TVP23C: variants seen among roughly 807,000 people sequenced by gnomAD.
TVP23C encodes the protein trans-golgi network vesicle protein 23 homolog C.
TVP23C carries 19 observed loss-of-function variants against 28.7 expected under a neutral mutation model. The ratio of observed to expected loss-of-function variants is 0.66; its 90% CI spans 0.46 to 0.97. The LOEUF (loss-of-function observed/expected upper bound fraction) is 0.97, where lower values mean the gene tolerates loss of function less well. TVP23C is among the 50% of genes least tolerant of loss of function. TVP23C has a pLI of 0.00. For synonymous variants in TVP23C, 68 were observed against 81.7 expected (o/e 0.83, Z 0.90); for missense variants, 186 against 241.3 (o/e 0.77, Z 1.52).
intron 5 of TVP23C, chr17:15,503,316 G>T: frequency 7.0e-7 from 1 of 1,421,814 alleles, no homozygotes; most frequent in Non-Finnish European, 9.2e-7. Context: ...GAGATGGGAG[G>T]ATCGCTTCAG....
chr17:15,527,891 T>C (rs1982792873), intron 5 of TVP23C, among the ~76,000 whole-genome samples: 1 of 152,238 alleles, frequency 6.6e-6, no homozygotes, highest in Non-Finnish European at 1.5e-5. Context: ...CATAACAGAA[T>C]GTTCACACAA....
At chr17:15,510,688 G>A (rs1196358372) in intron 5 of TVP23C, among the ~76,000 whole-genome samples, 1 of 152,164 alleles carries the variant, frequency 6.6e-6, no homozygotes, top group Admixed American at 6.5e-5. Flanking sequence ...CTAGCAACAT[G>A]TCAGTGCTTT....
rs1215247213 is a variant in TVP23C at position 15,537,235 on chromosome 17, T to C, written c.*3177A>G. 2 of 522,152 alleles carry C rather than the reference T, an allele frequency of 3.8e-6. No individual in the cohort carries two copies. The highest frequency in any genetic ancestry group is 4.3e-5 in the African/African-American group (2 of 46,128). The allele number at this position is 522,152 out of a possible 1,614,324, so 32.3% of individuals were successfully genotyped here. ...ACATAGATTGCTTTAAGAAATACCA[T>C]TAATACAAATGCATAATTTACAATA... On this transcript the variant is annotated 3_prime_UTR_variant, in exon 6 of 6. Transcript: ENST00000518321.
chr17:15,546,242 G>A (rs1281300759), intron 4 of TVP23C, among the ~76,000 whole-genome samples: 2 of 151,958 alleles, frequency 1.3e-5, no homozygotes, highest in Non-Finnish European at 2.9e-5. Flanking sequence ...ATACCTTTCT[G>A]ACCAATGATC....
In TVP23C at chr17:15,561,144, A is replaced by G. The variant is rs553343835; in HGVS notation, c.12+2293T>C. 2.0e-5 allele frequency among the ~76,000 whole-genome samples: 3 copies of G among 152,286 alleles called. No individual in the cohort carries two copies. In the South Asian group the frequency reaches 6.2e-4, roughly 32 times the overall value. ...GACGGCTTCCATTTTCAGTGAAACA[A>G]GAAGCAACGTTACCAGCTGAGAGAG... is the stretch of plus-strand genomic sequence containing the variant. On this transcript the variant is annotated intron_variant, in intron 1 of 5. Coordinates refer to ENST00000518321, the MANE Select transcript of TVP23C (RefSeq NM_001135036.2).
intron 5 of TVP23C, among the ~76,000 whole-genome samples, chr17:15,504,218 T>G (rs1981619728): frequency 6.6e-6 from 1 of 152,186 alleles, no homozygotes; most frequent in African/African-American, 2.4e-5. Context: ...GGGCTTTATA[T>G]TCCTGCATTT....
chr17:15,524,485 G>C (rs1222712194), intron 5 of TVP23C, among the ~76,000 whole-genome samples: 1 of 152,180 alleles, frequency 6.6e-6, no homozygotes, highest in African/African-American at 2.4e-5. Context: ...TGTGATCCCA[G>C]AGACAGGAGA....
chr17:15,503,147 AT>A lies in TVP23C; in HGVS notation c.547del (p.Ile183Ter). 6.2e-7 allele frequency: 1 copy of A among 1,604,450 alleles called. No individual in the cohort carries two copies. Among genetic ancestry groups the A allele is most frequent in the South Asian group, 1.1e-5 (1 of 89,538 alleles). On this transcript the variant is annotated frameshift_variant, in exon 6 of 6. Coordinates refer to the TVP23C transcript ENST00000225576. LOFTEE classifies it low-confidence loss of function (END_TRUNC). ...GCCCGGGCAGCGGCTCACGCCTGTTATCCCAGCGCTTTGGAAGGCGGAAGCG... is the reference window on the plus strand; with the variant it reads ...GCCCGGGCAGCGGCTCACGCCTGTTACCCAGCGCTTTGGAAGGCGGAAGCG...
intron 5 of TVP23C, among the ~76,000 whole-genome samples, chr17:15,517,610 C>G (rs1344437334): frequency 1.4e-4 from 21 of 152,138 alleles, no homozygotes; most frequent in Non-Finnish European, 1.5e-5. Context: ...GCACAGTCGA[C>G]CTATATGGGT....
chr17:15,546,016 A>T, intron 4 of TVP23C, 100 bp from the exon 5 acceptor site: 4 of 1,495,298 alleles, frequency 2.7e-6, no homozygotes, highest in East Asian at 2.4e-5. Context: ...TTCAAATATT[A>T]ATACACATAG....
chr17:15,552,511 G>C (rs1272814760), intron 3 of TVP23C, among the ~76,000 whole-genome samples: 1 of 152,090 alleles, frequency 6.6e-6, no homozygotes, highest in South Asian at 2.1e-4. Context: ...GAGAAACCCC[G>C]TCTGTACTAA....
At chr17:15,531,044 T>C (rs1186403906) in intron 5 of TVP23C, 1 of 152,198 alleles carries the variant, frequency 6.6e-6, no homozygotes. Context: ...TGCTCATCCT[T>C]TCTTATAGTT....
intron 5 of TVP23C, among the ~76,000 whole-genome samples, chr17:15,531,439 A>T (rs1324047673): frequency 6.6e-6 from 1 of 152,144 alleles, no homozygotes; most frequent in African/African-American, 2.4e-5. Context: ...GTATGTTGGT[A>T]ACTTGATAAA....
At chr17:15,525,441 C>T (rs2654408) in intron 5 of TVP23C, among the ~76,000 whole-genome samples, 2 of 152,226 alleles carry the variant, frequency 1.3e-5, no homozygotes, top group Admixed American at 6.5e-5. Context: ...TCTGTTAACA[C>T]TGAGTAAAAC....
exon 6 of TVP23C, chr17:15,503,117 G>T: frequency 6.2e-7 from 1 of 1,613,068 alleles, no homozygotes; most frequent in African/African-American, 1.3e-5. Context: ...CTTCCTCGAG[G>T]GATGGCCCGG....
chr17:15,514,218 G>A (rs902077051), intron 5 of TVP23C, among the ~76,000 whole-genome samples: 4 of 152,274 alleles, frequency 2.6e-5, no homozygotes, highest in African/African-American at 9.6e-5. Context: ...CAACTGTCCT[G>A]CCTCAGCTGG....
At position 15,537,322 on chromosome 17, in the gene TVP23C, T is replaced by C; in HGVS notation, c.*3090A>G. 2.3e-6 allele frequency: 2 copies of C among 874,174 alleles called. No individual in the cohort carries two copies. Among genetic ancestry groups the C allele is most frequent in the Non-Finnish European group, 1.4e-6 (1 of 729,112 alleles). 54.2% of individuals were successfully genotyped at this position (874,174 alleles called of 1,614,324 possible). Reference sequence around the variant, plus strand: ...TAAAATGTCTTTTAGGCATTTATTATGCCAAGTATGTAAATTATTATTCTC... The same window carrying C: ...TAAAATGTCTTTTAGGCATTTATTACGCCAAGTATGTAAATTATTATTCTC... On this transcript the variant is annotated 3_prime_UTR_variant, in exon 6 of 6. Transcript: ENST00000518321.
At chr17:15,526,044 G>C (rs1271167688) in intron 5 of TVP23C, among the ~76,000 whole-genome samples, 2 of 152,190 alleles carry the variant, frequency 1.3e-5, no homozygotes, top group Non-Finnish European at 2.9e-5. Context: ...TTAAACTCAT[G>C]TTTGTCTGCA....
Position 15,545,853 on chromosome 17 carries a change from T to C in TVP23C, c.394A>G (p.Ile132Val). The C allele has an allele frequency of 3.1e-6, 5 of 1,614,106 alleles. No homozygotes were observed. The highest frequency in any genetic ancestry group is 4.2e-6 in the Non-Finnish European group (5 of 1,179,996). Residue 132 changes from isoleucine (I) to valine (V), a missense_variant, in exon 5 of 6, where the codon ATT (isoleucine) becomes GTT (valine). Ile to Val is a conservative substitution (Grantham distance 29, BLOSUM62 3). Coordinates refer to ENST00000518321, the MANE Select transcript of TVP23C (RefSeq NM_001135036.2). ...ATCACCCACAGTACTGAACAGGCAA[T>C]AAGTCCCAACCAAAAGATTCTTGAT... is the stretch of plus-strand genomic sequence containing the variant. The part of the protein sequence containing the change: ...AESRIFWLGL[I>V]ACSVLWVIFA...
Sources: gnomAD v4.1 joint callset for allele counts (sites outside exome capture counted in the v4.1 genomes callset) on GRCh38, gnomAD v4.1.1 for gene constraint, MANE v1.5 for transcripts, NCBI Gene and HGNC (gene_info 2026-07-23, HGNC 2026-07-21) for gene names.